KDM5A: variants seen among roughly 807,000 people sequenced by gnomAD.
The protein encoded by KDM5A is lysine demethylase 5A, also known as lysine-specific demethylase 5A.
A neutral mutation model predicts 193.5 loss-of-function variants in KDM5A; 42 were observed. The ratio of observed to expected loss-of-function variants is 0.22; its 90% CI spans 0.17 to 0.28. The LOEUF is 0.28. Among genes scored for constraint, KDM5A ranks in the 10% least tolerant of loss-of-function variants. The probability of loss-of-function intolerance (pLI) is 1.00; values close to 1 mark genes in which losing one functional copy is unlikely to be tolerated. For synonymous variants in KDM5A, 796 were observed against 718.1 expected (o/e 1.11, Z -1.73); for missense variants, 1,692 against 2,055.1 (o/e 0.82, Z 3.42).
rs759353154 is a variant in KDM5A at position 318,337 on chromosome 12, G to C, written c.2666C>G (p.Pro889Arg). The C allele has an allele frequency of 1.2e-6, 2 of 1,614,108 alleles. No homozygotes were observed. Among genetic ancestry groups the C allele is most frequent in the Admixed American group, 3.3e-5 (2 of 60,014 alleles). Reference protein sequence around the residue: ...DMGSSLYVELPELPRLKQELQ... With the variant: ...DMGSSLYVELRELPRLKQELQ... ...CTCTTGCTTCAGTCGTGGTAATTCAGGGAGTTCCACATAGAGACTAGAGCC... is the reference window on the plus strand; with the variant it reads ...CTCTTGCTTCAGTCGTGGTAATTCACGGAGTTCCACATAGAGACTAGAGCC... Residue 889 changes from proline (P) to arginine (R), a missense_variant, in exon 19 of 28, where the codon CCT becomes CGT. By Grantham distance (103) the Pro-to-Arg change is moderately radical. This residue lies in a region of KDM5A where 965 missense variants were observed against 1,061.0 expected (regional missense o/e 0.91). Coordinates refer to ENST00000399788, the MANE Select transcript of KDM5A (RefSeq NM_001042603.3).
At chr12:295,937 T>TA in intron 25 of KDM5A, 144 bp from the exon 26 acceptor site, 1 of 724,108 alleles carries the variant, frequency 1.4e-6, no homozygotes, top group South Asian at 1.6e-5. Flanking sequence ...TATGAAAATG[T>TA]AAACAGAATT....
In KDM5A at chr12:343,298, C is replaced by T. The variant is rs375539454; in HGVS notation, c.1308+7323G>A. On this transcript the variant is annotated intron_variant, in intron 10 of 27. Coordinates refer to ENST00000399788, the MANE Select transcript of KDM5A (RefSeq NM_001042603.3). The stretch of plus-strand genomic sequence containing the variant: ...AGCTCAAACTGGGTGGAGCCCACGG[C>T]AGCTCAACAAGGCCTACTGCCTCTA... Among the ~76,000 whole-genome samples the T allele has an allele frequency of 6.6e-5, 10 of 152,330 alleles. No individual in the cohort carries two copies. In the East Asian group the frequency reaches 1.5e-3, roughly 23 times the overall value.
intron 3 of KDM5A, among the ~76,000 whole-genome samples, chr12:373,527 C>T (rs867103896): frequency 1.3e-5 from 2 of 152,260 alleles, no homozygotes; most frequent in South Asian, 4.1e-4. Flanking sequence ...TTTCAAAAAA[C>T]CAGCTCCTGG....
At position 307,393 on chromosome 12, in the gene KDM5A, T is replaced by C; in HGVS notation, c.3930+61A>G. 1 of 1,524,754 alleles carries C rather than the reference T, an allele frequency of 6.6e-7. No individual in the cohort carries two copies. Among genetic ancestry groups the C allele is most frequent in the Non-Finnish European group, 9.1e-7 (1 of 1,101,012 alleles). 94.5% of individuals were successfully genotyped at this position (1,524,754 alleles called of 1,614,324 possible). ...AATCAATTGGTAAGACAGACTCAATTTACTATTTATACACTGACATATCCC... is the reference window on the plus strand; with the variant it reads ...AATCAATTGGTAAGACAGACTCAATCTACTATTTATACACTGACATATCCC... On this transcript the variant is annotated intron_variant, in intron 23 of 27. Transcript: ENST00000399788. This position sits in a 1 kb window ranked among gnomAD's most constrained non-coding sequence, Gnocchi z 4.3.
intron 10 of KDM5A, among the ~76,000 whole-genome samples, chr12:346,585 A>C (rs900973584): frequency 1.3e-5 from 2 of 152,206 alleles, no homozygotes; most frequent in East Asian, 3.8e-4. Flanking sequence ...AGTTGGCTTC[A>C]TCCCCGGGAT....
chr12:371,073 C>CAT (rs58934459), intron 3 of KDM5A, among the ~76,000 whole-genome samples: 106,383 of 151,536 alleles, frequency 0.7, 37,536 homozygotes, highest in Middle Eastern at 0.78. Flanking sequence ...CCACAATAAA[C>CAT]ATATGTGTGC....
chr12:349,894 C>T (rs1032634770), intron 10 of KDM5A, among the ~76,000 whole-genome samples: 7 of 151,702 alleles, frequency 4.6e-5, no homozygotes, highest in Admixed American at 3.3e-4. Context: ...CTCTGGGAGG[C>T]CGAGACAGGG....
At chr12:388,779 C>A in intron 1 of KDM5A, 148 bp downstream of exon 1, 1 of 1,022,350 alleles carries the variant, frequency 9.8e-7, no homozygotes, top group South Asian at 1.3e-5. Flanking sequence ...CAAAAGAAAC[C>A]GAGGCAAAAA....
chr12:374,617 T>A (rs1459824869), intron 3 of KDM5A, among the ~76,000 whole-genome samples: 4 of 152,230 alleles, frequency 2.6e-5, no homozygotes, highest in African/African-American at 9.6e-5. Context: ...CCTGTCATTA[T>A]GATGTTAGCT....
intron 2 of KDM5A, among the ~76,000 whole-genome samples, chr12:385,410 G>A (rs976354857): frequency 2.6e-5 from 4 of 151,532 alleles, no homozygotes; most frequent in African/African-American, 4.8e-5. Flanking sequence ...AATACTTAAA[G>A]TAATTAAAAA....
intron 26 of KDM5A, among the ~76,000 whole-genome samples, chr12:293,491 T>C (rs775084854): frequency 2.6e-5 from 4 of 151,996 alleles, no homozygotes; most frequent in Non-Finnish European, 5.9e-5. Flanking sequence ...ATAAAAAAGA[T>C]TTATGGGCCA....
intron 24 of KDM5A, among the ~76,000 whole-genome samples, chr12:306,057 A>G (rs1943503477): frequency 7.1e-6 from 1 of 141,664 alleles, no homozygotes. Context: ...TGCAGCCTCG[A>G]CCTCCTAGGC....
chr12:342,815 A>G (rs912850431), intron 10 of KDM5A, among the ~76,000 whole-genome samples: 1 of 149,474 alleles, frequency 6.7e-6, no homozygotes, highest in African/African-American at 2.5e-5. Context: ...GCGTTCCAAG[A>G]TGGCCAAATA....
At chr12:333,445 A>C in intron 12 of KDM5A, 42 bp downstream of exon 12, 1 of 1,610,092 alleles carries the variant, frequency 6.2e-7, no homozygotes, top group East Asian at 2.2e-5. Context: ...GAAAAAACAA[A>C]CAAACAAACA....
At chr12:318,538 A>G (rs1259512823) in intron 18 of KDM5A, 77 bp from the exon 19 acceptor site, 1 of 1,037,184 alleles carries the variant, frequency 9.6e-7, no homozygotes, top group East Asian at 2.4e-5. Context: ...GACATAGTCA[A>G]GGCAAACTAT....
At chr12:360,779 T>A (rs1029115348) in intron 5 of KDM5A, among the ~76,000 whole-genome samples, 8 of 152,186 alleles carry the variant, frequency 5.3e-5, no homozygotes, top group African/African-American at 1.9e-4. Context: ...GGCTTTTATG[T>A]TTAAGATGAT....
At chr12:360,444 G>A (rs1479187117) in intron 5 of KDM5A, among the ~76,000 whole-genome samples, 1 of 152,010 alleles carries the variant, frequency 6.6e-6, no homozygotes, top group African/African-American at 2.4e-5. Flanking sequence ...ATATAAGGAG[G>A]AAAACCAGAA....
At chr12:300,524 AT>A (rs1943429030) in intron 24 of KDM5A, among the ~76,000 whole-genome samples, 2 of 152,226 alleles carry the variant, frequency 1.3e-5, no homozygotes, top group African/African-American at 4.8e-5. Flanking sequence ...TCTGGGACAC[AT>A]TTAAAGCAGT....
intron 5 of KDM5A, among the ~76,000 whole-genome samples, chr12:360,321 T>C (rs1372762496): frequency 6.6e-6 from 1 of 151,010 alleles, no homozygotes; most frequent in South Asian, 2.1e-4. Flanking sequence ...CAGGCAGTAC[T>C]TGAAATCACA....
Sources: allele counts gnomAD v4.1 joint callset (sites outside exome capture counted in the v4.1 genomes callset), GRCh38; gene constraint gnomAD v4.1.1; regional missense constraint gnomAD v4.1.1; non-coding constraint Gnocchi (gnomAD v3.1); transcripts MANE v1.5; gene names NCBI Gene and HGNC (gene_info 2026-07-23, HGNC 2026-07-21).